RAPH1: variants seen among roughly 807,000 people sequenced by gnomAD.
The protein encoded by RAPH1 is ras-associated and pleckstrin homology domains-containing protein 1.
In RAPH1, 18 loss-of-function variants were observed where a neutral mutation model predicts 88.1. The ratio of observed to expected loss-of-function variants is 0.20; its 90% CI spans 0.14 to 0.30. The LOEUF (loss-of-function observed/expected upper bound fraction) is 0.30. Among genes scored for constraint, RAPH1 ranks in the 10% least tolerant of loss-of-function variants. RAPH1 has a pLI of 1.00. For missense variants in RAPH1, 1,448 were observed against 1,543.2 expected (o/e 0.94, Z 1.03); for synonymous variants, 587 against 559.0 (o/e 1.05, Z -0.71).
intron 1 of RAPH1, among the ~76,000 whole-genome samples, chr2:203,524,773 T>C (rs1289787202): frequency 6.6e-6 from 1 of 152,196 alleles, no homozygotes; most frequent in Non-Finnish European, 1.5e-5. Flanking sequence ...ATGGAAATGT[T>C]CAGTTTTGAT....
At chr2:203,507,372 A>C (rs1250032478) in intron 1 of RAPH1, among the ~76,000 whole-genome samples, 2 of 152,218 alleles carry the variant, frequency 1.3e-5, no homozygotes, top group Admixed American at 6.5e-5. Flanking sequence ...CAAGTTGCTA[A>C]GTTTTAAAAA....
intron 5 of RAPH1, among the ~76,000 whole-genome samples, 156 bp downstream of exon 5, chr2:203,461,692 C>T (rs147253745): frequency 6.6e-6 from 1 of 151,958 alleles, no homozygotes; most frequent in African/African-American, 2.4e-5. Flanking sequence ...TGCATTTTAC[C>T]CACAAAAAAT....
At chr2:203,458,697 C>T (rs2098521818) in intron 7 of RAPH1, among the ~76,000 whole-genome samples, 1 of 152,074 alleles carries the variant, frequency 6.6e-6, no homozygotes, top group Non-Finnish European at 1.5e-5. Flanking sequence ...TATTTTAGAT[C>T]TGCAGTTGTG....
At chr2:203,503,470 CACAAG>C (rs1688836966) in intron 1 of RAPH1, among the ~76,000 whole-genome samples, 1 of 152,148 alleles carries the variant, frequency 6.6e-6, no homozygotes, top group African/African-American at 2.4e-5. Flanking sequence ...TATTCACTAT[CACAAG>C]ATTAGCACAA....
chr2:203,506,866 A>ATATATC lies in RAPH1; in HGVS notation c.1-11514_1-11513insGATATA, dbSNP rs1553630573. The stretch of plus-strand genomic sequence containing the variant: ...TATATCTATCTATATCTATATATAT[A>ATATATC]TATATATATATATAGATATATATAT... On this transcript the variant is annotated intron_variant, in intron 1 of 13. Coordinates refer to ENST00000319170, the MANE Select transcript of RAPH1 (RefSeq NM_213589.3). 5.4e-3 allele frequency among the ~76,000 whole-genome samples: 488 copies of ATATATC among 90,668 alleles called. 20 individuals carry two copies. Among genetic ancestry groups the ATATATC allele is most frequent in the Middle Eastern group, 0.014 (2 of 148 alleles). 59.5% of individuals were successfully genotyped at this position (90,668 alleles called of 152,430 possible).
intron 4 of RAPH1, among the ~76,000 whole-genome samples, chr2:203,464,808 A>G (rs535356945): frequency 1.3e-5 from 2 of 152,366 alleles, no homozygotes; most frequent in East Asian, 3.9e-4. Context: ...CTTTAAAACA[A>G]AAATGAACAT....
chr2:203,532,531 T>G (rs1690436308), intron 1 of RAPH1, among the ~76,000 whole-genome samples: 1 of 152,218 alleles, frequency 6.6e-6, no homozygotes, highest in African/African-American at 2.4e-5. Flanking sequence ...GCTCTGCCAC[T>G]ATAGCTCTGC....
In RAPH1 at chr2:203,489,979, T is replaced by G; in HGVS notation, c.337A>C (p.Thr113Pro). 1 of 1,614,214 alleles carries G rather than the reference T, an allele frequency of 6.2e-7. No individual in the cohort carries two copies. The highest frequency in any genetic ancestry group is 8.5e-7 in the Non-Finnish European group (1 of 1,180,036). ...IGSGNSKRQI[T>P]ETKATQKLPV... ...AATTTCTGAGTAGCTTTCGTTTCTG[T>G]GATTTGACGCTTACTGTTTCCTGAA... The change falls in exon 4 of 14, where the codon ACA becomes CCA. Residue 113 changes from threonine to proline, a missense_variant. Physicochemically the swap from Thr to Pro is conservative, Grantham distance 38. Around this residue, in one of 2 missense-constraint regions of RAPH1, gnomAD observed 513 missense variants for 653.1 expected, o/e 0.79. Coordinates refer to ENST00000319170, the MANE Select transcript of RAPH1 (RefSeq NM_213589.3).
intron 1 of RAPH1, among the ~76,000 whole-genome samples, chr2:203,515,443 T>C (rs1200991248): frequency 6.6e-6 from 1 of 152,204 alleles, no homozygotes; most frequent in African/African-American, 2.4e-5. Flanking sequence ...GCTAAAAGGT[T>C]CACATGAATG....
intron 4 of RAPH1, among the ~76,000 whole-genome samples, chr2:203,483,373 C>T (rs773137471): frequency 2.6e-5 from 4 of 151,928 alleles, no homozygotes; most frequent in Non-Finnish European, 5.9e-5. Context: ...AAGATAAGGC[C>T]AACAGAATTT....
intron 1 of RAPH1, among the ~76,000 whole-genome samples, chr2:203,499,461 C>A (rs1027031700): frequency 6.6e-6 from 1 of 151,866 alleles, no homozygotes; most frequent in Non-Finnish European, 1.5e-5. Context: ...GTGGCTCACA[C>A]CTGTAATCCC....
At chr2:203,482,835 A>AC (rs1687791543) in intron 4 of RAPH1, among the ~76,000 whole-genome samples, 3 of 152,108 alleles carry the variant, frequency 2.0e-5, no homozygotes, top group African/African-American at 7.2e-5. Context: ...ACAAAACAAA[A>AC]AAAAGGTAAT....
At chr2:203,533,738 G>A (rs972017246) in intron 1 of RAPH1, among the ~76,000 whole-genome samples, 2 of 150,974 alleles carry the variant, frequency 1.3e-5, no homozygotes, top group African/African-American at 4.9e-5. Context: ...CCCCCGCACC[G>A]CACCCCCAAA....
intron 4 of RAPH1, among the ~76,000 whole-genome samples, chr2:203,478,090 G>A (rs1269720358): frequency 2.7e-5 from 4 of 150,340 alleles, no homozygotes; most frequent in Non-Finnish European, 5.9e-5. Flanking sequence ...TGGAGTGCAA[G>A]TGGCACGATC....
intron 1 of RAPH1, among the ~76,000 whole-genome samples, chr2:203,524,682 C>T (rs2264234): frequency 0.092 from 14,035 of 152,018 alleles, 1,521 homozygotes; most frequent in African/African-American, 0.26. Flanking sequence ...AAATGCAAAC[C>T]AATCCATAGT....
At chr2:203,479,924 C>T (rs1312533902) in intron 4 of RAPH1, among the ~76,000 whole-genome samples, 3 of 152,118 alleles carry the variant, frequency 2.0e-5, no homozygotes, top group Non-Finnish European at 2.9e-5. Context: ...TTTATCACTA[C>T]GTTCATAAAT....
intron 1 of RAPH1, among the ~76,000 whole-genome samples, chr2:203,510,399 C>T (rs1689285173): frequency 6.6e-6 from 1 of 150,452 alleles, no homozygotes; most frequent in South Asian, 2.1e-4. Flanking sequence ...GAAGTAATCC[C>T]TTACCAAAGG....
rs796562365 is a variant in RAPH1, at chr2:203,479,605, C to CAA, written c.732+9977_732+9978dup. Among the ~76,000 whole-genome samples, 225 of 64,172 alleles carry CAA rather than the reference C, an allele frequency of 3.5e-3. 2 individuals carry two copies. The highest frequency in any genetic ancestry group is 0.011 in the African/African-American group (200 of 17,782). 42.1% of individuals were successfully genotyped at this position (64,172 alleles called of 152,430 possible). On this transcript the variant is annotated intron_variant, in intron 4 of 13. Transcript: ENST00000319170. ...CCTGAGCAACAGAGCAAGACTGACT[C>CAA]AAAAAAAAAAAAAAAAAATTAAATC... is the stretch of plus-strand genomic sequence containing the variant.
At chr2:203,453,977 G>C (rs890774007) in intron 10 of RAPH1, among the ~76,000 whole-genome samples, 1 of 152,078 alleles carries the variant, frequency 6.6e-6, no homozygotes, top group Non-Finnish European at 1.5e-5. Context: ...CATGACTATA[G>C]TTCAGGGAAA....
Sources: allele counts gnomAD v4.1 joint callset (sites outside exome capture counted in the v4.1 genomes callset), GRCh38; gene constraint gnomAD v4.1.1; regional missense constraint gnomAD v4.1.1; transcripts MANE v1.5; gene names NCBI Gene and HGNC (gene_info 2026-07-23, HGNC 2026-07-21).